The following SLC2A9 variants were observed in gnomAD, a reference collection of about 807,000 sequenced individuals.
SLC2A9 encodes solute carrier family 2 member 9.
A neutral mutation model predicts 50.6 loss-of-function variants in SLC2A9; 39 were observed. The ratio of observed to expected loss-of-function variants is 0.77; its 90% CI spans 0.60 to 1.01. The LOEUF (loss-of-function observed/expected upper bound fraction) is 1.01, where lower values mean the gene tolerates loss of function less well. Among genes scored for constraint, SLC2A9 ranks in the 50% least tolerant of loss-of-function variants. The probability of loss-of-function intolerance (pLI) is 0.00; values close to 1 mark genes in which losing one functional copy is unlikely to be tolerated. For synonymous variants in SLC2A9, 324 were observed against 276.9 expected (o/e 1.17, Z -1.69); for missense variants, 686 against 677.6 (o/e 1.01, Z -0.14).
chr4:9,904,614 T>G (rs1024145966), intron 8 of SLC2A9, among the ~76,000 whole-genome samples: 1 of 152,192 alleles, frequency 6.6e-6, no homozygotes, highest in East Asian at 1.9e-4. Flanking sequence ...GGAGCCATTG[T>G]TTTGCCTACC....
At chr4:9,971,261 G>A (rs1051673253) in intron 5 of SLC2A9, among the ~76,000 whole-genome samples, 1 of 152,166 alleles carries the variant, frequency 6.6e-6, no homozygotes, top group South Asian at 2.1e-4. Context: ...TTAATTGGTT[G>A]CTTTTAAACC....
At position 9,913,889 on chromosome 4, in the gene SLC2A9, G is replaced by T. The variant is rs537528601; in HGVS notation, c.1003-5544C>A. On this transcript the variant is annotated intron_variant, in intron 7 of 11. Transcript: ENST00000264784. ...ACATTTTCATCCCCATCTGGTTCTTGTGCCTCTCTCTGTCTCCCCCTCTCT... is the reference window on the plus strand; with the variant it reads ...ACATTTTCATCCCCATCTGGTTCTTTTGCCTCTCTCTGTCTCCCCCTCTCT... Among the ~76,000 whole-genome samples, 9 of 152,310 alleles carry T rather than the reference G, an allele frequency of 5.9e-5. No homozygotes were observed. The East Asian group carries it at 1.7e-3, about 29-fold the overall frequency.
chr4:9,831,307 A>G (rs185203792), intron 11 of SLC2A9, among the ~76,000 whole-genome samples: 1 of 152,238 alleles, frequency 6.6e-6, no homozygotes, highest in East Asian at 1.9e-4. Flanking sequence ...GCCCTAATCC[A>G]ATATCCTGCT....
intron 8 of SLC2A9, among the ~76,000 whole-genome samples, chr4:9,905,820 C>T (rs564534492): frequency 6.6e-6 from 1 of 152,132 alleles, no homozygotes; most frequent in African/African-American, 2.4e-5. Flanking sequence ...CCATGTAGAA[C>T]ACTTTGGGGT....
At chr4:9,847,952 A>T (rs989813399) in intron 10 of SLC2A9, among the ~76,000 whole-genome samples, 3 of 152,160 alleles carry the variant, frequency 2.0e-5, no homozygotes, top group Admixed American at 2.0e-4. Context: ...AGACACTGCA[A>T]AAGTTAGAGG....
intron 10 of SLC2A9, among the ~76,000 whole-genome samples, chr4:9,837,802 T>C (rs1209588378): frequency 6.6e-6 from 1 of 152,160 alleles, no homozygotes; most frequent in Non-Finnish European, 1.5e-5. Context: ...TAAGCAACCA[T>C]GAGGAGCCTG....
At chr4:9,954,143 G>T (rs769033777) in intron 5 of SLC2A9, among the ~76,000 whole-genome samples, 2 of 152,112 alleles carry the variant, frequency 1.3e-5, no homozygotes, top group African/African-American at 2.4e-5. Flanking sequence ...TTGCCATGTT[G>T]CCCAGGCCGG....
intron 2 of SLC2A9, among the ~76,000 whole-genome samples, chr4:10,002,992 A>G (rs1027327167): frequency 1.5e-4 from 23 of 152,208 alleles, no homozygotes; most frequent in Admixed American, 5.2e-4. Flanking sequence ...GATGATTGCT[A>G]AGCGCAAGGA....
At chr4:9,810,229 A>T in intron 3 of SLC2A9, among the ~76,000 whole-genome samples, 1 of 151,918 alleles carries the variant, frequency 6.6e-6, no homozygotes, top group Non-Finnish European at 1.5e-5. Context: ...AGTGCACAGT[A>T]GAGCCGCAGT....
chr4:9,882,484 G>A (rs967776697), intron 10 of SLC2A9, among the ~76,000 whole-genome samples: 19 of 151,932 alleles, frequency 1.3e-4, no homozygotes, highest in African/African-American at 4.1e-4. Context: ...CGAGGCAGGC[G>A]GATCACGAGG....
intron 3 of SLC2A9, among the ~76,000 whole-genome samples, chr4:9,808,010 C>A (rs562756026): frequency 4.0e-4 from 61 of 152,328 alleles, no homozygotes; most frequent in Non-Finnish European, 1.6e-4. Context: ...TGGATTGGCT[C>A]TAAGTCATGA....
chr4:9,915,674 A>T (rs181508619), intron 7 of SLC2A9, among the ~76,000 whole-genome samples: 21 of 152,358 alleles, frequency 1.4e-4, no homozygotes, highest in African/African-American at 5.1e-4. Context: ...ATGCAGGCAG[A>T]TGACCCCAAG....
At chr4:9,808,401 C>G (rs1722408431) in intron 3 of SLC2A9, among the ~76,000 whole-genome samples, 1 of 152,160 alleles carries the variant, frequency 6.6e-6, no homozygotes, top group South Asian at 2.1e-4. Flanking sequence ...CCTGCGTCGG[C>G]CACAGTGAGA....
intron 2 of SLC2A9, among the ~76,000 whole-genome samples, chr4:10,018,589 T>TAGATAGACAGATAAAC: frequency 6.6e-6 from 1 of 151,032 alleles, no homozygotes; most frequent in Admixed American, 6.6e-5. Context: ...GATAGATAGA[T>TAGATAGACAGATAAAC]AACAACAACA....
At chr4:9,834,789 G>A in intron 11 of SLC2A9, 92 bp downstream of exon 11, 1 of 1,571,524 alleles carries the variant, frequency 6.4e-7, no homozygotes, top group Non-Finnish European at 8.7e-7. Context: ...CAGTTGAGAG[G>A]AGAGAGATCA....
At chr4:10,016,770 T>C (rs1453316631) in intron 2 of SLC2A9, among the ~76,000 whole-genome samples, 2 of 152,280 alleles carry the variant, frequency 1.3e-5, no homozygotes, top group South Asian at 4.1e-4. Flanking sequence ...GGGTGTGTCA[T>C]GGTTAAAGAA....
chr4:9,951,359 A>C (rs1259082064), intron 5 of SLC2A9, among the ~76,000 whole-genome samples: 1 of 152,190 alleles, frequency 6.6e-6, no homozygotes, highest in Non-Finnish European at 1.5e-5. Context: ...GGGTGAGATA[A>C]AGAGAAGCAC....
At chr4:9,916,564 T>A (rs1346400065) in intron 7 of SLC2A9, among the ~76,000 whole-genome samples, 1 of 152,214 alleles carries the variant, frequency 6.6e-6, no homozygotes, top group Non-Finnish European at 1.5e-5. Context: ...AGCTGCCACC[T>A]GTGAGATATT....
At chr4:9,980,898 C>T (rs1755636544) in intron 4 of SLC2A9, among the ~76,000 whole-genome samples, 161 bp from the exon 5 acceptor site, 1 of 152,186 alleles carries the variant, frequency 6.6e-6, no homozygotes, top group Non-Finnish European at 1.5e-5. Flanking sequence ...AAAGCTTTCC[C>T]ATGAACTTTA....
Sources: allele counts gnomAD v4.1 joint callset (sites outside exome capture counted in the v4.1 genomes callset), GRCh38; gene constraint gnomAD v4.1.1; transcripts MANE v1.5; gene names NCBI Gene and HGNC (gene_info 2026-07-23, HGNC 2026-07-21).